The following C12orf42 variants were observed in gnomAD, a reference collection of about 807,000 sequenced individuals.
C12orf42 encodes the protein uncharacterized protein C12orf42.
A neutral mutation model predicts 21.6 loss-of-function variants in C12orf42; 25 were observed. The ratio of observed to expected loss-of-function variants is 1.16; its 90% confidence interval spans 0.84 to 1.62. The LOEUF is 1.62. C12orf42 is among the 40% of genes most tolerant of loss of function. The probability of loss-of-function intolerance (pLI) is 0.00; values close to 1 mark genes in which losing one functional copy is unlikely to be tolerated. For missense variants in C12orf42, 483 were observed against 459.3 expected (o/e 1.05, Z -0.47); for synonymous variants, 174 against 175.0 (o/e 0.99, Z 0.05).
At chr12:103,129,231 G>A in the C12orf42 span, among the ~76,000 whole-genome samples, 50,502 of 152,004 alleles carry the variant, frequency 0.33, 8,860 homozygotes, top group East Asian at 0.48. Flanking sequence ...AAGGCCCAGG[G>A]GAGTGCTTGG....
the C12orf42 span, among the ~76,000 whole-genome samples, chr12:103,546,681 A>G: frequency 6.6e-6 from 1 of 152,194 alleles, no homozygotes; most frequent in Non-Finnish European, 1.5e-5. Context: ...TATCATCTAT[A>G]TTTTCCAACT....
At position 103,306,310 on chromosome 12, in the gene C12orf42, T is replaced by C; in HGVS notation, c.295A>G (p.Lys99Glu). ...PERTQNSMAC[K>E]RLLHTCQYIV... The stretch of plus-strand genomic sequence containing the variant: ...TACTGGCAAGTATGAAGTAGTCTTT[T>C]ACACGCCATTGAATTTTGAGTCCTT... Residue 99 changes from lysine (K) to glutamate (E), a missense_variant, in exon 5 of 6, where the codon AAA becomes GAA. Physicochemically the swap from Lys to Glu is moderately conservative, Grantham distance 56 (BLOSUM62 1). Coordinates refer to ENST00000548883, the MANE Select transcript of C12orf42 (RefSeq NM_198521.5). 1 of 1,611,332 alleles carries C rather than the reference T, an allele frequency of 6.2e-7. No individual in the cohort carries two copies. The highest frequency in any genetic ancestry group is 1.1e-5 in the South Asian group (1 of 90,484).
chr12:103,438,068 G>A (rs919324516), intron 2 of C12orf42, among the ~76,000 whole-genome samples: 15 of 149,338 alleles, frequency 1.0e-4, no homozygotes, highest in African/African-American at 2.5e-4. Context: ...AAGATCAAGC[G>A]GGCTTCATCC....
At chr12:103,214,643 G>C in the C12orf42 span, among the ~76,000 whole-genome samples, 4 of 152,156 alleles carry the variant, frequency 2.6e-5, no homozygotes, top group Admixed American at 1.3e-4. Context: ...GTTCTCCCCA[G>C]GGAAGATATT....
the C12orf42 span, among the ~76,000 whole-genome samples, chr12:103,049,602 C>A: frequency 6.6e-6 from 1 of 152,166 alleles, no homozygotes; most frequent in South Asian, 2.1e-4. Context: ...GTTTTCTCTT[C>A]TTTTTCAGAA....
chr12:103,056,810 A>C, the C12orf42 span, among the ~76,000 whole-genome samples: 1 of 151,984 alleles, frequency 6.6e-6, no homozygotes, highest in Non-Finnish European at 1.5e-5. Context: ...TGGTTTTTCC[A>C]TATACTTTCT....
chr12:103,420,419 T>C (rs538863777), intron 2 of C12orf42, among the ~76,000 whole-genome samples: 46 of 152,322 alleles, frequency 3.0e-4, no homozygotes, highest in African/African-American at 1.1e-3. Flanking sequence ...ACACTCACGA[T>C]GAGCTTCCAG....
chr12:103,057,247 A>G, the C12orf42 span, among the ~76,000 whole-genome samples: 1 of 150,880 alleles, frequency 6.6e-6, no homozygotes, highest in Admixed American at 6.6e-5. Flanking sequence ...TGTTTGTTAC[A>G]TAGCTATACG....
At chr12:103,446,082 C>T (rs1386553919) in intron 2 of C12orf42, among the ~76,000 whole-genome samples, 3 of 151,898 alleles carry the variant, frequency 2.0e-5, no homozygotes, top group Non-Finnish European at 2.9e-5. Context: ...ATGCCAGTCA[C>T]AGTTCTAAGC....
At chr12:103,459,892 G>A (rs1952573247) in intron 2 of C12orf42, among the ~76,000 whole-genome samples, 1 of 152,088 alleles carries the variant, frequency 6.6e-6, no homozygotes, top group Non-Finnish European at 1.5e-5. Flanking sequence ...ACCCACTTCT[G>A]AGAACCCTTT....
downstream of C12orf42, among the ~76,000 whole-genome samples, chr12:103,234,462 GA>G (rs144395921): frequency 4.0e-5 from 6 of 151,838 alleles, no homozygotes; most frequent in Admixed American, 1.3e-4. Context: ...TATATTCATT[GA>G]AAAAAAATTG....
intron 2 of C12orf42, 137 bp downstream of exon 2, chr12:103,478,212 A>G: frequency 1.7e-6 from 1 of 602,432 alleles, no homozygotes; most frequent in East Asian, 3.1e-5. Context: ...GTGAGTATGG[A>G]TAAATATGGA....
chr12:103,118,417 C>T, the C12orf42 span, among the ~76,000 whole-genome samples: 5 of 152,176 alleles, frequency 3.3e-5, no homozygotes, highest in African/African-American at 1.2e-4. Context: ...GGCATGAGCA[C>T]CATTAGCCAT....
At chr12:103,091,925 C>A in the C12orf42 span, among the ~76,000 whole-genome samples, 1 of 152,196 alleles carries the variant, frequency 6.6e-6, no homozygotes, top group African/African-American at 2.4e-5. Flanking sequence ...TAGAGAAGAG[C>A]CTATCAGTAG....
intron 4 of C12orf42, among the ~76,000 whole-genome samples, chr12:103,284,980 ACTGTTCC>A (rs1303163559): frequency 6.6e-6 from 1 of 152,106 alleles, no homozygotes; most frequent in Non-Finnish European, 1.5e-5. Flanking sequence ...TGGATTTCTC[ACTGTTCC>A]CTAAGCAAAT....
chr12:103,104,953 C>T, the C12orf42 span, among the ~76,000 whole-genome samples: 186 of 152,332 alleles, frequency 1.2e-3, 1 homozygote, highest in African/African-American at 4.0e-3. Flanking sequence ...AAAAAGTCTC[C>T]ACCTTCCCCA....
chr12:103,217,290 C>G, the C12orf42 span, among the ~76,000 whole-genome samples: 1 of 151,944 alleles, frequency 6.6e-6, no homozygotes. Context: ...GAGGCCGAGG[C>G]GAGAGAATCA....
chr12:103,517,694 A>G, the C12orf42 span, among the ~76,000 whole-genome samples: 48 of 152,176 alleles, frequency 3.2e-4, no homozygotes, highest in African/African-American at 1.1e-3. Context: ...TTTTTTTTCA[A>G]TGAGAATGTC....
chr12:103,266,398 A>C (rs1326209060), downstream of C12orf42, among the ~76,000 whole-genome samples: 3 of 152,148 alleles, frequency 2.0e-5, no homozygotes, highest in Non-Finnish European at 1.5e-5. Context: ...CTCTGTTATC[A>C]GAGGAGTCAG....
Sources: allele counts gnomAD v4.1 joint callset (sites outside exome capture counted in the v4.1 genomes callset), GRCh38; gene constraint gnomAD v4.1.1; transcripts MANE v1.5; gene names NCBI Gene and HGNC (gene_info 2026-07-23, HGNC 2026-07-21).